Variants in NSUN7 observed in about 807,000 individuals in gnomAD.
NSUN7 encodes NOP2/Sun RNA methyltransferase family member 7.
A neutral mutation model predicts 58.5 loss-of-function variants in NSUN7; 39 were observed. That is an observed-to-expected ratio of 0.67 (90% confidence interval 0.52 to 0.87). The LOEUF is 0.87. Among genes scored for constraint, NSUN7 ranks in the 40% least tolerant of loss-of-function variants. The pLI, the probability that NSUN7 is intolerant of heterozygous loss-of-function variation, is 0.00. For synonymous variants in NSUN7, 278 were observed against 303.7 expected (o/e 0.92, Z 0.88); for missense variants, 765 against 844.1 (o/e 0.91, Z 1.16).
In NSUN7 at chr4:40,750,027, AC is replaced by A; in HGVS notation, c.-361del. The A allele has an allele frequency of 6.6e-6, 1 of 152,220 alleles. No homozygotes were observed. Among genetic ancestry groups the A allele is most frequent in the Non-Finnish European group, 1.5e-5 (1 of 68,088 alleles). 9.4% of individuals were successfully genotyped at this position (152,220 alleles called of 1,614,324 possible). ...CAGCCAGACCCCGGGCACCGCGCTC[AC>A]CCCTCTTCGCCGCCACGTCCGCGAA... On this transcript the variant is annotated 5_prime_UTR_variant, in exon 1 of 12. Transcript: ENST00000381782.
At chr4:40,781,797 A>C (rs1742578153) in intron 7 of NSUN7, among the ~76,000 whole-genome samples, 2 of 152,102 alleles carry the variant, frequency 1.3e-5, no homozygotes, top group Non-Finnish European at 2.9e-5. Flanking sequence ...AAATGCTCTT[A>C]AATAAAAGGA....
intron 4 of NSUN7, among the ~76,000 whole-genome samples, chr4:40,765,912 G>C (rs1741701522): frequency 1.3e-5 from 2 of 152,212 alleles, no homozygotes; most frequent in African/African-American, 4.8e-5. Flanking sequence ...GAATGCTTGT[G>C]ATATTTGTAC....
intron 4 of NSUN7, among the ~76,000 whole-genome samples, chr4:40,764,982 C>T (rs1219544411): frequency 1.4e-3 from 204 of 149,016 alleles, no homozygotes; most frequent in African/African-American, 4.9e-3. Flanking sequence ...GGATATTAGC[C>T]CTTTGTCAGA....
chr4:40,777,024 A>C (rs1484497104), intron 7 of NSUN7, among the ~76,000 whole-genome samples: 1 of 152,234 alleles, frequency 6.6e-6, no homozygotes, highest in Non-Finnish European at 1.5e-5. Flanking sequence ...AAAACTAAGC[A>C]AAACTTTTAA....
chr4:40,804,234 G>A (rs1404085802), intron 10 of NSUN7, among the ~76,000 whole-genome samples: 1 of 152,070 alleles, frequency 6.6e-6, no homozygotes, highest in Non-Finnish European at 1.5e-5. Flanking sequence ...AAGGTCAGGA[G>A]TTCGAGACCA....
intron 10 of NSUN7, among the ~76,000 whole-genome samples, chr4:40,803,864 A>C (rs1288320006): frequency 1.3e-5 from 2 of 152,112 alleles, no homozygotes; most frequent in African/African-American, 4.8e-5. Context: ...AAAATCAGTT[A>C]GTTAATCCCA....
Position 40,808,388 on chromosome 4 carries a change from G to C in NSUN7, c.1606G>C (p.Gly536Arg). The C allele has an allele frequency of 6.2e-7, 1 of 1,613,820 alleles. No individual in the cohort carries two copies. The highest frequency in any genetic ancestry group is 8.5e-7 in the Non-Finnish European group (1 of 1,179,982). The stretch of plus-strand genomic sequence containing the variant: ...GGGTCTGCTGGATGGGATTGAGTTG[G>C]GTAAATCATCAAAACGGGAGAAGAA... ...AKGLLDGIEL[G>R]KSSKREKKKK... The change falls in exon 12 of 12, where the codon GGT becomes CGT. Residue 536 changes from glycine (G) to arginine (R), a missense_variant. Gly to Arg is a moderately radical substitution (Grantham distance 125, BLOSUM62 -2). Transcript: ENST00000381782.
chr4:40,774,320 C>G lies in NSUN7; in HGVS notation c.544C>G (p.Leu182Val), dbSNP rs1415956422. The change falls in exon 5 of 12, where the codon CTT becomes GTT. Residue 182 changes from leucine to valine, a missense_variant. Transcript: ENST00000381782. Reference protein sequence around the residue: ...LARCRIKHDALSIYHILPETV... With the variant: ...LARCRIKHDAVSIYHILPETV... The stretch of plus-strand genomic sequence containing the variant: ...AAGATGTCGAATCAAGCATGATGCC[C>G]TTTCAATTTACCACATCCTTCCAGA... The G allele has an allele frequency of 6.2e-7, 1 of 1,614,006 alleles. No homozygotes were observed. The highest frequency in any genetic ancestry group is 1.6e-4 in the Middle Eastern group (1 of 6,062).
chr4:40,767,723 C>T (rs1242044256), intron 4 of NSUN7, among the ~76,000 whole-genome samples: 1 of 152,144 alleles, frequency 6.6e-6, no homozygotes, highest in Non-Finnish European at 1.5e-5. Flanking sequence ...CTCAAGGACT[C>T]AGGAAGAGAA....
chr4:40,790,067 T>C (rs1341305583), intron 7 of NSUN7, among the ~76,000 whole-genome samples: 1 of 149,422 alleles, frequency 6.7e-6, no homozygotes, highest in Non-Finnish European at 1.5e-5. Context: ...CCCCCACCTT[T>C]TTTTTTTTTT....
intron 10 of NSUN7, among the ~76,000 whole-genome samples, chr4:40,803,003 T>C (rs1228058454): frequency 1.4e-5 from 2 of 143,140 alleles, no homozygotes; most frequent in Admixed American, 7.4e-5. Flanking sequence ...GTTCTCATTG[T>C]TCAATTCCCA....
chr4:40,781,645 T>G (rs1742571953), intron 7 of NSUN7, among the ~76,000 whole-genome samples: 1 of 152,130 alleles, frequency 6.6e-6, no homozygotes, highest in Non-Finnish European at 1.5e-5. Flanking sequence ...GACATCTCAC[T>G]ATGTTGTCCA....
intron 10 of NSUN7, among the ~76,000 whole-genome samples, chr4:40,803,582 G>C (rs1000565779): frequency 1.3e-5 from 2 of 152,128 alleles, no homozygotes; most frequent in African/African-American, 2.4e-5. Flanking sequence ...TTATGTTATA[G>C]ATATACATCA....
In NSUN7 at chr4:40,750,920, G is replaced by C. The variant is rs745814625; in HGVS notation, c.227G>C (p.Arg76Pro). Residue 76 changes from arginine to proline, a missense_variant, in exon 2 of 12, where the codon CGG becomes CCG. Arg to Pro is a moderately radical substitution (Grantham distance 103, BLOSUM62 -2). Coordinates refer to ENST00000381782, the MANE Select transcript of NSUN7 (RefSeq NM_024677.6). ...VLIKYGNEPL[R>P]SLSESEDQSF... is the part of the protein sequence containing the mutation. ...ATCAAGTATGGGAATGAACCCCTGC[G>C]GTCCTTGTCCGAGTCTGAGGATCAG... The C allele has an allele frequency of 1.9e-6, 3 of 1,614,184 alleles. No homozygotes were observed. Among genetic ancestry groups the C allele is most frequent in the Non-Finnish European group, 2.5e-6 (3 of 1,180,034 alleles).
At chr4:40,760,389 T>C in intron 2 of NSUN7, 45 bp from the exon 3 acceptor site, 25 of 1,465,450 alleles carry the variant, frequency 1.7e-5, no homozygotes, top group Non-Finnish European at 2.2e-5. Flanking sequence ...AGTTTTCATT[T>C]TCCGCTTTGT....
intron 2 of NSUN7, among the ~76,000 whole-genome samples, chr4:40,756,441 T>C (rs143660036): frequency 1.6e-4 from 25 of 152,338 alleles, no homozygotes; most frequent in African/African-American, 6.0e-4. Context: ...ACTGGAGTTA[T>C]TGGGCTGAAT....
At chr4:40,774,483 G>A (rs1742171673) in intron 5 of NSUN7, 66 bp downstream of exon 5, 2 of 1,502,114 alleles carry the variant, frequency 1.3e-6, no homozygotes, top group Non-Finnish European at 1.8e-6. Context: ...GTGATGAGAA[G>A]CATTACCTTT....
rs1348265923 is a variant in NSUN7 at position 40,774,362 on chromosome 4, G to A, written c.586G>A (p.Glu196Lys). 7 of 1,613,988 alleles carry A rather than the reference G, an allele frequency of 4.3e-6. No homozygotes were observed. Among genetic ancestry groups the A allele is most frequent in the Admixed American group, 1.7e-5 (1 of 60,004 alleles). ...HILPETVRKQELRASTLPLYA... is the reference protein window; with the variant it reads ...HILPETVRKQKLRASTLPLYA... ...CCTTCCAGAAACAGTTAGGAAACAG[G>A]AACTAAGGGCCTCCACTTTACCACT... Residue 196 changes from glutamate (E) to lysine (K), a missense_variant, in exon 5 of 12, where the codon GAA becomes AAA. Transcript: ENST00000381782.
In NSUN7 at chr4:40,774,795, A is replaced by G; in HGVS notation, c.670A>G (p.Arg224Gly). Residue 224 changes from arginine (R) to glycine (G), a missense_variant, in exon 6 of 12, where the codon AGA (arginine) becomes GGA (glycine). Physicochemically the swap from Arg to Gly is moderately radical, Grantham distance 125. Transcript: ENST00000381782. ...TGAAGAAGTTTATAATAATTTGAAG[A>G]GAAGAGGCTATAATAAAGTCAAATC... ...SPEEVYNNLK[R>G]RGYNKVKSVL... 6.5e-7 allele frequency: 1 copy of G among 1,542,494 alleles called. No individual in the cohort carries two copies. Among genetic ancestry groups the G allele is most frequent in the South Asian group, 1.2e-5 (1 of 84,366 alleles).
Sources: gnomAD v4.1 joint callset for allele counts (sites outside exome capture counted in the v4.1 genomes callset) on GRCh38, gnomAD v4.1.1 for gene constraint, MANE v1.5 for transcripts, NCBI Gene and HGNC (gene_info 2026-07-23, HGNC 2026-07-21) for gene names.